Variants in SEC14L1 observed in about 807,000 individuals in gnomAD.
The protein encoded by SEC14L1 is SEC14-like protein 1.
Under a neutral mutation model 85.3 loss-of-function variants are expected in SEC14L1, and 48 were observed. The ratio of observed to expected loss-of-function variants is 0.56; its 90% confidence interval spans 0.45 to 0.72. The LOEUF is 0.72. Among genes scored for constraint, SEC14L1 ranks in the 30% least tolerant of loss-of-function variants. The pLI is 0.00. For missense variants in SEC14L1, 682 were observed against 921.4 expected, an observed-to-expected ratio of 0.74 and a Z score of 3.36; for synonymous variants, 391 against 355.5, an observed-to-expected ratio of 1.10 and a Z score of -1.12.
chr17:77,146,302 T>G (rs887180528), intron 3 of SEC14L1, among the ~76,000 whole-genome samples: 1 of 152,196 alleles, frequency 6.6e-6, no homozygotes, highest in Non-Finnish European at 1.5e-5. Flanking sequence ...TCCAAAACAC[T>G]TGAGTGTGGC....
At chr17:77,148,191 A>G (rs1010219570) in intron 3 of SEC14L1, among the ~76,000 whole-genome samples, 2 of 152,146 alleles carry the variant, frequency 1.3e-5, no homozygotes, top group African/African-American at 4.8e-5. Flanking sequence ...AGGAGGCGGG[A>G]GGCCACCTAG....
chr17:77,200,743 C>T (rs1675421500), intron 9 of SEC14L1, 70 bp downstream of exon 9: 2 of 1,486,790 alleles, frequency 1.3e-6, no homozygotes, highest in African/African-American at 2.8e-5. Flanking sequence ...CTTCCAAGGC[C>T]TCCTTCCCTG....
At chr17:77,112,273 G>A (rs908071032) in intron 3 of SEC14L1, among the ~76,000 whole-genome samples, 1 of 152,174 alleles carries the variant, frequency 6.6e-6, no homozygotes, top group African/African-American at 2.4e-5. Context: ...TTATAAATTA[G>A]CCAGTCTCGG....
chr17:77,168,169 G>A (rs547934227), intron 3 of SEC14L1, among the ~76,000 whole-genome samples: 4 of 152,284 alleles, frequency 2.6e-5, no homozygotes, highest in African/African-American at 4.8e-5. Flanking sequence ...AGGGTTGTTC[G>A]GAGGCTAGAA....
Position 77,194,540 on chromosome 17 carries a change from A to G in SEC14L1, c.475-137A>G, listed in dbSNP as rs140167170. 706 of 664,776 alleles carry G rather than the reference A, an allele frequency of 1.1e-3. 1 individual carries two copies. In the African/African-American group the frequency reaches 0.011, roughly 11 times the overall value. The allele number at this position is 664,776 out of a possible 1,614,324, so 41.2% of individuals were successfully genotyped here. The stretch of plus-strand genomic sequence containing the variant: ...GTGCTTTAGCCTGGGCCACAAAGCG[A>G]GACCCTGTCTCAAAAAAAAAAAAAG... On this transcript the variant is annotated intron_variant, in intron 6 of 16. Transcript: ENST00000436233.
upstream of SEC14L1, chr17:77,140,746 C>T (rs537490678): frequency 5.9e-5 from 9 of 152,190 alleles, no homozygotes; most frequent in Non-Finnish European, 8.8e-5. Flanking sequence ...GCGACGGGGC[C>T]GGCGCCTTCT....
chr17:77,194,569 G>T, intron 6 of SEC14L1, 108 bp from the exon 7 acceptor site: 12 of 744,132 alleles, frequency 1.6e-5, no homozygotes, highest in Non-Finnish European at 2.2e-5. Context: ...AAAAAAGATT[G>T]TGAGGCTCAC....
chr17:77,140,866 T>G (rs1264814584), upstream of SEC14L1: 1 of 88,166 alleles, frequency 1.1e-5, no homozygotes, highest in Non-Finnish European at 2.4e-5. Context: ...CCGCCCCCGC[T>G]CCCTCGGCCG....
chr17:77,214,126 A>G lies in SEC14L1; in HGVS notation c.*103A>G, dbSNP rs1976920844. The G allele has an allele frequency of 6.7e-7, 1 of 1,490,760 alleles. No homozygotes were observed. The highest frequency in any genetic ancestry group is 1.4e-5 in the African/African-American group (1 of 70,990). 92.3% of individuals were successfully genotyped at this position (1,490,760 alleles called of 1,614,324 possible). A position where few individuals can be genotyped will look rare whatever the true frequency, so the allele number is the denominator to read the frequency against. On this transcript the variant is annotated 3_prime_UTR_variant, in exon 17 of 17. Coordinates refer to ENST00000436233, the MANE Select transcript of SEC14L1 (RefSeq NM_001143998.2). ...CGGCGACATTGTACAGACTCCTCTC[A>G]CCTCTAGATAGCAAATAGCTCTCAG... is the stretch of plus-strand genomic sequence containing the variant.
At chr17:77,183,085 G>A (rs1975107907) in intron 3 of SEC14L1, among the ~76,000 whole-genome samples, 1 of 152,180 alleles carries the variant, frequency 6.6e-6, no homozygotes, top group South Asian at 2.1e-4. Context: ...TATTTAATGA[G>A]TTATTGCAAA....
chr17:77,169,371 G>A (rs1038043285), intron 3 of SEC14L1, among the ~76,000 whole-genome samples: 3 of 152,168 alleles, frequency 2.0e-5, no homozygotes, highest in Non-Finnish European at 4.4e-5. Context: ...CAATGAGAGA[G>A]TCTTGCATGC....
chr17:77,214,224 A>C lies in SEC14L1; in HGVS notation c.*201A>C. On this transcript the variant is annotated 3_prime_UTR_variant, in exon 17 of 17. Transcript: ENST00000436233. ...TTAACTCTGATCCTAACTTAACTCA[A>C]TAGCCATAGATTTTGTATACGTTGT... The C allele has an allele frequency of 7.3e-7, 1 of 1,374,800 alleles. No individual in the cohort carries two copies. The highest frequency in any genetic ancestry group is 9.4e-7 in the Non-Finnish European group (1 of 1,066,650). The allele number at this position is 1,374,800 out of a possible 1,614,324, so 85.2% of individuals were successfully genotyped here. A position where few individuals can be genotyped will look rare whatever the true frequency, so the allele number is the denominator to read the frequency against.
intron 9 of SEC14L1, among the ~76,000 whole-genome samples, chr17:77,202,703 T>C (rs576343327): frequency 4.1e-4 from 63 of 152,250 alleles, no homozygotes; most frequent in African/African-American, 1.5e-3. Flanking sequence ...GCGGATTGCC[T>C]GAGCTCAGGA....
At chr17:77,189,985 A>AT (rs1162624223) in intron 3 of SEC14L1, among the ~76,000 whole-genome samples, 4 of 151,894 alleles carry the variant, frequency 2.6e-5, no homozygotes, top group East Asian at 1.9e-4. Context: ...CATTTTATAT[A>AT]TTTTTTCTCC....
chr17:77,149,856 GTT>G (rs201022692), intron 3 of SEC14L1, among the ~76,000 whole-genome samples: 45 of 123,846 alleles, frequency 3.6e-4, no homozygotes, highest in East Asian at 9.6e-4. Flanking sequence ...GCTGATTTGT[GTT>G]TTTTTTTTTT....
chr17:77,104,805 AAAG>A (rs1281852636), intron 3 of SEC14L1, among the ~76,000 whole-genome samples: 7 of 150,058 alleles, frequency 4.7e-5, no homozygotes, highest in African/African-American at 1.8e-4. Context: ...AAAAAAAAAA[AAAG>A]AAAGTTTTTT....
chr17:77,105,249 A>G (rs1042883480), intron 3 of SEC14L1, among the ~76,000 whole-genome samples: 6 of 152,008 alleles, frequency 3.9e-5, no homozygotes, highest in African/African-American at 9.7e-5. Context: ...CTTCAACTGG[A>G]AAGTCCACTC....
At chr17:77,151,773 G>A (rs1973569195) in intron 3 of SEC14L1, among the ~76,000 whole-genome samples, 1 of 151,956 alleles carries the variant, frequency 6.6e-6, no homozygotes, top group Admixed American at 6.6e-5. Context: ...GAGGCCAAGT[G>A]GGGAGGATGG....
chr17:77,131,508 G>A (rs1388259480), intron 3 of SEC14L1, among the ~76,000 whole-genome samples: 2 of 152,150 alleles, frequency 1.3e-5, no homozygotes, highest in Non-Finnish European at 2.9e-5. Context: ...GATCTCAGAT[G>A]ATCCACCCGC....
Sources: gnomAD v4.1 joint callset for allele counts (sites outside exome capture counted in the v4.1 genomes callset) on GRCh38, gnomAD v4.1.1 for gene constraint, MANE v1.5 for transcripts, NCBI Gene and HGNC (gene_info 2026-07-23, HGNC 2026-07-21) for gene names.